DCC: variants seen among roughly 807,000 people sequenced by gnomAD.
DCC encodes the protein netrin receptor DCC.
In DCC, 58 loss-of-function variants were observed where a neutral mutation model predicts 172.5. That is an observed-to-expected ratio of 0.34 (90% confidence interval 0.27 to 0.42). DCC has a LOEUF of 0.42. Ranked by LOEUF, DCC falls within the 10% of genes least tolerant of loss-of-function variation. The pLI is 1.00. For synonymous variants in DCC, 709 were observed against 644.5 expected, an observed-to-expected ratio of 1.10 and a Z score of -1.52; for missense variants, 1,740 against 1,791.0, an observed-to-expected ratio of 0.97 and a Z score of 0.51.
At chr18:52,457,398 T>G (rs531249817) in intron 1 of DCC, among the ~76,000 whole-genome samples, 3 of 152,334 alleles carry the variant, frequency 2.0e-5, no homozygotes, top group Admixed American at 2.0e-4. Flanking sequence ...CATTAAATAT[T>G]TTTCATGTAT....
intron 1 of DCC, among the ~76,000 whole-genome samples, chr18:52,458,901 A>T (rs1464900559): frequency 6.6e-6 from 1 of 152,204 alleles, no homozygotes; most frequent in Non-Finnish European, 1.5e-5. Context: ...GTCTTTTATT[A>T]TTGGTTTTGA....
At chr18:52,981,094 G>C (rs937093814) in intron 5 of DCC, among the ~76,000 whole-genome samples, 4 of 151,874 alleles carry the variant, frequency 2.6e-5, no homozygotes, top group African/African-American at 9.7e-5. Context: ...AGAAATACTG[G>C]CTAAGACTTT....
chr18:52,615,967 T>C (rs1437522046), intron 1 of DCC, among the ~76,000 whole-genome samples: 2 of 152,338 alleles, frequency 1.3e-5, no homozygotes, highest in East Asian at 3.9e-4. Context: ...AGATTTTATA[T>C]ATATATGAAT....
At chr18:52,525,915 A>T (rs1370114009) in intron 1 of DCC, among the ~76,000 whole-genome samples, 1 of 152,218 alleles carries the variant, frequency 6.6e-6, no homozygotes, top group Non-Finnish European at 1.5e-5. Context: ...TTATCTGCCA[A>T]ATGAAAATAA....
At chr18:53,098,283 T>C (rs759601288) in intron 7 of DCC, among the ~76,000 whole-genome samples, 7 of 152,146 alleles carry the variant, frequency 4.6e-5, no homozygotes, top group Non-Finnish European at 5.9e-5. Flanking sequence ...GTAGAAAGAA[T>C]TCTTATGTTC....
chr18:52,597,494 C>G (rs900858514), intron 1 of DCC, among the ~76,000 whole-genome samples: 3 of 145,968 alleles, frequency 2.1e-5, no homozygotes, highest in African/African-American at 7.7e-5. Flanking sequence ...TGCGATCACA[C>G]CAATTAGGTA....
chr18:53,189,818 T>A (rs550681937), intron 9 of DCC, among the ~76,000 whole-genome samples: 14 of 152,338 alleles, frequency 9.2e-5, no homozygotes, highest in African/African-American at 3.4e-4. Flanking sequence ...GCCTGTGAGA[T>A]CTGTTACAGA....
At chr18:52,692,958 C>T (rs2035952506) in intron 1 of DCC, among the ~76,000 whole-genome samples, 1 of 152,040 alleles carries the variant, frequency 6.6e-6, no homozygotes, top group Non-Finnish European at 1.5e-5. Flanking sequence ...AAGAACAGTC[C>T]TCTGATATAG....
intron 2 of DCC, among the ~76,000 whole-genome samples, chr18:52,796,172 A>G (rs926359319): frequency 6.6e-6 from 1 of 151,312 alleles, no homozygotes; most frequent in Non-Finnish European, 1.5e-5. Flanking sequence ...TCGGTGGCAT[A>G]TAGCTGAGTC....
At chr18:52,854,519 C>G (rs73456875) in intron 2 of DCC, among the ~76,000 whole-genome samples, 14,030 of 152,130 alleles carry the variant, frequency 0.092, 720 homozygotes, top group South Asian at 0.2. Flanking sequence ...ATGTTTTCCT[C>G]TTAGATAAAA....
At chr18:53,039,990 A>C (rs889849934) in intron 5 of DCC, among the ~76,000 whole-genome samples, 2 of 151,988 alleles carry the variant, frequency 1.3e-5, no homozygotes, top group Non-Finnish European at 2.9e-5. Flanking sequence ...TTGCTAAATT[A>C]ATTTAAACTG....
chr18:52,495,453 A>G (rs1241349750), intron 1 of DCC, among the ~76,000 whole-genome samples: 2 of 152,114 alleles, frequency 1.3e-5, no homozygotes, highest in Non-Finnish European at 2.9e-5. Flanking sequence ...TCTTTAGAAT[A>G]TCACCCCAGC....
chr18:53,442,418 G>A (rs1406150827), intron 22 of DCC, among the ~76,000 whole-genome samples: 1 of 152,072 alleles, frequency 6.6e-6, no homozygotes, highest in Non-Finnish European at 1.5e-5. Context: ...TTGCTTTGGG[G>A]CACCACAAAC....
At chr18:53,316,439 C>T (rs2057344670) in intron 13 of DCC, among the ~76,000 whole-genome samples, 1 of 151,038 alleles carries the variant, frequency 6.6e-6, no homozygotes, top group Non-Finnish European at 1.5e-5. Context: ...TATGCAGGCT[C>T]TTTTTTGAAA....
chr18:52,857,873 C>A (rs1012934299), intron 2 of DCC, among the ~76,000 whole-genome samples: 5 of 152,066 alleles, frequency 3.3e-5, no homozygotes, highest in Non-Finnish European at 5.9e-5. Flanking sequence ...ATAATAATCT[C>A]CTCATAATTA....
intron 5 of DCC, among the ~76,000 whole-genome samples, chr18:52,926,385 T>C (rs1056900616): frequency 1.3e-5 from 2 of 151,852 alleles, no homozygotes; most frequent in African/African-American, 4.8e-5. Flanking sequence ...ATCATAAACA[T>C]TAAACCAGGA....
intron 12 of DCC, among the ~76,000 whole-genome samples, chr18:53,294,879 A>T (rs2057047997): frequency 6.6e-6 from 1 of 152,226 alleles, no homozygotes; most frequent in African/African-American, 2.4e-5. Context: ...ACCAGGGGCC[A>T]GCAGGGCAAA....
At chr18:53,335,477 A>G (rs541465828) in intron 14 of DCC, among the ~76,000 whole-genome samples, 2 of 152,312 alleles carry the variant, frequency 1.3e-5, no homozygotes, top group Non-Finnish European at 1.5e-5. Flanking sequence ...GCATGTGAAC[A>G]TTACACATTA....
chr18:52,805,267 C>A (rs2038065290), intron 2 of DCC, among the ~76,000 whole-genome samples: 1 of 152,122 alleles, frequency 6.6e-6, no homozygotes, highest in Non-Finnish European at 1.5e-5. Flanking sequence ...GCTTACATAA[C>A]CAAGTGAGGT....
Sources: gnomAD v4.1 joint callset for allele counts (sites outside exome capture counted in the v4.1 genomes callset) on GRCh38, gnomAD v4.1.1 for gene constraint, MANE v1.5 for transcripts, NCBI Gene and HGNC (gene_info 2026-07-23, HGNC 2026-07-21) for gene names.